The following ZNF407 variants were observed in gnomAD, a reference collection of about 807,000 sequenced individuals.
ZNF407 encodes the protein zinc finger protein 407.
Under a neutral mutation model 131.2 loss-of-function variants are expected in ZNF407, and 17 were observed. The observed-to-expected ratio is 0.13, with a 90% confidence interval of 0.09 to 0.19. The LOEUF is 0.19. Among genes scored for constraint, ZNF407 ranks in the 10% least tolerant of loss-of-function variants. The pLI is 1.00. For missense variants in ZNF407, 2,681 were observed against 2,830.6 expected (o/e 0.95, Z 1.20); for synonymous variants, 1,156 against 1,062.0 (o/e 1.09, Z -1.72).
chr18:74,662,879 T>C (rs1035094596), intron 3 of ZNF407, among the ~76,000 whole-genome samples: 2 of 152,268 alleles, frequency 1.3e-5, no homozygotes, highest in Non-Finnish European at 2.9e-5. Flanking sequence ...TACATAGATG[T>C]CTGCATGGAG....
intron 8 of ZNF407, among the ~76,000 whole-genome samples, chr18:74,954,598 A>G (rs1433946441): frequency 6.6e-6 from 1 of 152,244 alleles, no homozygotes; most frequent in Non-Finnish European, 1.5e-5. Context: ...CAAGTATTAT[A>G]TAACATAATT....
chr18:74,958,734 G>A (rs1171656771), intron 8 of ZNF407, among the ~76,000 whole-genome samples: 2 of 152,212 alleles, frequency 1.3e-5, no homozygotes, highest in Non-Finnish European at 2.9e-5. Context: ...TGAGTGAATA[G>A]AATCATAGCT....
intron 3 of ZNF407, among the ~76,000 whole-genome samples, chr18:74,767,801 C>T (rs1268822033): frequency 1.3e-5 from 2 of 149,046 alleles, no homozygotes; most frequent in Non-Finnish European, 3.0e-5. Flanking sequence ...CTAGAGGCGC[C>T]TGCCACCACG....
intron 3 of ZNF407, among the ~76,000 whole-genome samples, chr18:74,727,050 T>C (rs1968175212): frequency 6.6e-6 from 1 of 152,236 alleles, no homozygotes. Context: ...ATTAATTTAC[T>C]CAGTTCAGCT....
At chr18:74,630,147 A>G (rs2144657673) in intron 1 of ZNF407, among the ~76,000 whole-genome samples, 1 of 151,948 alleles carries the variant, frequency 6.6e-6, no homozygotes, top group African/African-American at 2.4e-5. Context: ...CTTTAGGAGA[A>G]AAGGATGAAA....
At chr18:74,758,468 G>A (rs149778434) in intron 3 of ZNF407, among the ~76,000 whole-genome samples, 188 of 151,968 alleles carry the variant, frequency 1.2e-3, no homozygotes, top group Admixed American at 2.1e-3. Context: ...ACTTTGTCCT[G>A]TTACTGTCAT....
At chr18:74,849,211 T>A (rs111629412) in intron 4 of ZNF407, among the ~76,000 whole-genome samples, 184 of 151,958 alleles carry the variant, frequency 1.2e-3, no homozygotes, top group African/African-American at 4.3e-3. Context: ...CCCAAGTAGC[T>A]GGGATTACAG....
At chr18:74,755,035 G>C (rs576140353) in intron 3 of ZNF407, among the ~76,000 whole-genome samples, 1 of 152,134 alleles carries the variant, frequency 6.6e-6, no homozygotes, top group African/African-American at 2.4e-5. Context: ...GGGTGCTCCT[G>C]TATTGGGTGT....
At chr18:74,621,090 C>T (rs1983490359) in intron 1 of ZNF407, among the ~76,000 whole-genome samples, 1 of 90,932 alleles carries the variant, frequency 1.1e-5, no homozygotes, top group Non-Finnish European at 2.7e-5. Flanking sequence ...TTAAAACTCG[C>T]TCTACTGTAT....
intron 4 of ZNF407, among the ~76,000 whole-genome samples, chr18:74,839,049 A>G (rs1417281402): frequency 6.6e-6 from 1 of 152,126 alleles, no homozygotes; most frequent in Non-Finnish European, 1.5e-5. Context: ...CAGCTGTATT[A>G]AATGCTTGAA....
chr18:74,948,551 C>G (rs1011972241), intron 8 of ZNF407, among the ~76,000 whole-genome samples: 2 of 152,034 alleles, frequency 1.3e-5, no homozygotes, highest in Non-Finnish European at 2.9e-5. Flanking sequence ...ATGTTGAATC[C>G]CCGACACTAC....
intron 3 of ZNF407, among the ~76,000 whole-genome samples, chr18:74,736,943 G>A (rs750647870): frequency 4.0e-4 from 61 of 152,160 alleles, no homozygotes; most frequent in Non-Finnish European, 5.9e-4. Context: ...CTCCTAATTA[G>A]CAGTGACTGT....
At chr18:74,855,317 C>G (rs1379790243) in intron 4 of ZNF407, among the ~76,000 whole-genome samples, 1 of 152,134 alleles carries the variant, frequency 6.6e-6, no homozygotes, top group Non-Finnish European at 1.5e-5. Flanking sequence ...TTTGTTGATG[C>G]TTATTGCTAA....
At chr18:74,976,813 T>C (rs1972533622) in intron 8 of ZNF407, among the ~76,000 whole-genome samples, 1 of 152,226 alleles carries the variant, frequency 6.6e-6, no homozygotes, top group Admixed American at 6.5e-5. Context: ...TGTCACATGT[T>C]CGTGTCATGT....
intron 2 of ZNF407, among the ~76,000 whole-genome samples, chr18:74,639,145 A>G (rs1984594636): frequency 6.6e-6 from 1 of 152,200 alleles, no homozygotes; most frequent in Admixed American, 6.5e-5. Flanking sequence ...CAAAGGAGCC[A>G]TGGACAGTAA....
chr18:74,860,733 G>T (rs1299107078), intron 4 of ZNF407, among the ~76,000 whole-genome samples: 1 of 151,974 alleles, frequency 6.6e-6, no homozygotes, highest in Non-Finnish European at 1.5e-5. Context: ...ATTAATACCA[G>T]ATGACTTTTT....
In ZNF407 at chr18:74,976,151, C is replaced by T. The variant is rs1972526062; in HGVS notation, c.5428+55459C>T. Among the ~76,000 whole-genome samples the T allele has an allele frequency of 3.3e-5, 5 of 152,246 alleles. No homozygotes were observed. The South Asian group carries it at 8.3e-4, about 25-fold the overall frequency. On this transcript the variant is annotated intron_variant, in intron 8 of 8. Transcript: ENST00000299687. ...AGTAGAGCAGCTTGCATTCTTATTC[C>T]ATATTGGTTGACCCCAAATGTTGGA...
rs138411267 is a variant in ZNF407, at chr18:74,912,594, A to G, written c.5250-7920A>G. On this transcript the variant is annotated intron_variant, in intron 7 of 8. Coordinates refer to ENST00000299687, the MANE Select transcript of ZNF407 (RefSeq NM_017757.3). ...GAGAGCTGAGTAGCAGTCTGGATCC[A>G]CATTTAACTTACTGTAGGTTGATTT... Among the ~76,000 whole-genome samples the G allele has an allele frequency of 3.2e-4, 48 of 152,340 alleles. No individual in the cohort carries two copies. In the East Asian group the frequency reaches 6.6e-3, roughly 21 times the overall value.
chr18:75,051,071 T>C (rs1230645215), intron 8 of ZNF407, among the ~76,000 whole-genome samples: 2 of 152,156 alleles, frequency 1.3e-5, no homozygotes, highest in Non-Finnish European at 2.9e-5. Flanking sequence ...GAGCTCTCGG[T>C]GTAGCAGGAA....
Sources: allele counts gnomAD v4.1 joint callset (sites outside exome capture counted in the v4.1 genomes callset), GRCh38; gene constraint gnomAD v4.1.1; transcripts MANE v1.5; gene names NCBI Gene and HGNC (gene_info 2026-07-23, HGNC 2026-07-21).